RIMBP2: variants seen among roughly 807,000 people sequenced by gnomAD.
RIMBP2 encodes the protein RIMS-binding protein 2.
Under a neutral mutation model 118.6 loss-of-function variants are expected in RIMBP2, and 48 were observed. The observed-to-expected ratio is 0.40, with a 90% CI of 0.32 to 0.51. RIMBP2 has a LOEUF of 0.51. Among genes scored for constraint, RIMBP2 ranks in the 20% least tolerant of loss-of-function variants. The pLI is 0.41. For missense variants in RIMBP2, 1,551 were observed against 1,768.3 expected, an observed-to-expected ratio of 0.88 and a Z score of 2.20; for synonymous variants, 762 against 742.9, an observed-to-expected ratio of 1.03 and a Z score of -0.42.
rs2076622574 is a variant in RIMBP2 at position 130,424,327 on chromosome 12, C to T, written c.2944G>A (p.Gly982Ser). 5 of 1,231,908 alleles carry T rather than the reference C, an allele frequency of 4.1e-6. No individual in the cohort carries two copies. Among genetic ancestry groups the T allele is most frequent in the African/African-American group, 1.6e-5 (1 of 64,492 alleles). 76.3% of individuals were successfully genotyped at this position (1,231,908 alleles called of 1,614,324 possible). ...EDFGEQVGPG[G>S]LLRNDDPQPG... ...TGGGGGTCGTCGTTCCTGAGGAGGC[C>T]ACCAGGGCCCACCTGCTCCCCAAAG... Residue 982 changes from glycine (G) to serine (S), a missense_variant, in exon 16 of 23, where the codon GGC becomes AGC. Gly to Ser is a moderately conservative substitution (Grantham distance 56). Transcript: ENST00000690449. The surrounding 1 kb of genome is among the most constrained non-coding windows in gnomAD (Gnocchi z 9.8).
chr12:130,514,009 C>T (rs576750389), intron 3 of RIMBP2, among the ~76,000 whole-genome samples: 2 of 152,332 alleles, frequency 1.3e-5, no homozygotes, highest in African/African-American at 4.8e-5. Context: ...GTCACCCCCA[C>T]ACCTTCAGCC....
chr12:130,438,335 A>ACCGGGCC, intron 12 of RIMBP2, 30 bp downstream of exon 12: 2 of 865,010 alleles, frequency 2.3e-6, no homozygotes, highest in East Asian at 2.8e-5. Context: ...GGCCTAACAA[A>ACCGGGCC]CCCTCCCCAC....
chr12:130,615,991 T>C (rs933426719), intron 2 of RIMBP2, among the ~76,000 whole-genome samples: 1 of 152,088 alleles, frequency 6.6e-6, no homozygotes, highest in Non-Finnish European at 1.5e-5. Flanking sequence ...CGTTTGCTTT[T>C]TCACCTCTGG....
In RIMBP2 at chr12:130,436,867, G is replaced by A. The variant is rs773203525; in HGVS notation, c.2081C>T (p.Ala694Val). ...TVAKAMAREA[A>V]QRVAESSRLE... is the part of the protein sequence containing the mutation. ...CCTGCTGCTCTCGGCCACCCTCTGCGCGGCCTCCCGGGCCATGGCCTTGGC... is the reference window on the plus strand; with the variant it reads ...CCTGCTGCTCTCGGCCACCCTCTGCACGGCCTCCCGGGCCATGGCCTTGGC... Residue 694 changes from alanine to valine, a missense_variant, in exon 13 of 23, where the codon GCG (alanine) becomes GTG (valine). Around this residue, in one of 5 missense-constraint regions of RIMBP2, gnomAD observed 1,038 missense variants for 1,125.1 expected, o/e 0.92. Coordinates refer to ENST00000690449, the MANE Select transcript of RIMBP2 (RefSeq NM_001393629.1). 4.8e-5 allele frequency: 73 copies of A among 1,523,344 alleles called. No individual in the cohort carries two copies. The highest frequency in any genetic ancestry group is 6.0e-5 in the Non-Finnish European group (68 of 1,137,844). 94.4% of individuals were successfully genotyped at this position (1,523,344 alleles called of 1,614,324 possible). A position where few individuals can be genotyped will look rare whatever the true frequency, so the allele number is the denominator to read the frequency against.
Position 130,456,580 on chromosome 12 carries a change from C to T in RIMBP2, c.274G>A (p.Ala92Thr), listed in dbSNP as rs780097025. Residue 92 changes from alanine (A) to threonine (T), a missense_variant, in exon 7 of 23, where the codon GCG (alanine) becomes ACG (threonine). By Grantham distance (58) the Ala-to-Thr change is moderately conservative. Around this residue, in one of 5 missense-constraint regions of RIMBP2, gnomAD observed 239 missense variants for 256.8 expected, o/e 0.93. Transcript: ENST00000690449. ...AGKIDLLGGS[A>T]VAPLDISTAP... ...GTGGAGATGTCCAGGGGGGCCACCG[C>T]GCTGCCACCCAGCAGGTCAATCTTG... 1.5e-5 allele frequency: 24 copies of T among 1,613,314 alleles called. No homozygotes were observed. In the East Asian group the frequency reaches 2.0e-4, roughly 13 times the overall value.
At chr12:130,687,806 T>C (rs1361114224) in intron 1 of RIMBP2, among the ~76,000 whole-genome samples, 1 of 152,230 alleles carries the variant, frequency 6.6e-6, no homozygotes, top group Non-Finnish European at 1.5e-5. Context: ...TGGCTTATTT[T>C]TAATTCATTG....
At chr12:130,647,188 C>T (rs1237931141) in intron 1 of RIMBP2, among the ~76,000 whole-genome samples, 1 of 152,104 alleles carries the variant, frequency 6.6e-6, no homozygotes, top group African/African-American at 2.4e-5. Context: ...CATGGTGAAA[C>T]CCTGCCCCTA....
chr12:130,651,811 CT>C (rs1168813469), intron 1 of RIMBP2, among the ~76,000 whole-genome samples: 2 of 152,182 alleles, frequency 1.3e-5, no homozygotes, highest in African/African-American at 2.4e-5. Flanking sequence ...CAGCTCTACT[CT>C]TCGTTGAGAG....
intron 11 of RIMBP2, among the ~76,000 whole-genome samples, chr12:130,439,231 GATGTATATGTATGT>G (rs2077812617): frequency 2.0e-5 from 3 of 151,814 alleles, no homozygotes; most frequent in Admixed American, 2.0e-4. Flanking sequence ...TTTGTGTGTA[GATGTATATGTATGT>G]ATGTATATGT....
rs180862626 is a variant in RIMBP2 at position 130,578,819 on chromosome 12, T to G, written c.-217+49503A>C. On this transcript the variant is annotated intron_variant, in intron 2 of 22. Transcript: ENST00000690449. This position sits in a 1 kb window ranked among gnomAD's most constrained non-coding sequence, Gnocchi z 4.1. ...CCTAGGGCTGAACATGTGCAGAGAT[T>G]CAGAAAGGCTTGGATTTATAAGATG... is the stretch of plus-strand genomic sequence containing the variant. 2.0e-5 allele frequency among the ~76,000 whole-genome samples: 3 copies of G among 152,284 alleles called. No homozygotes were observed. The highest frequency in any genetic ancestry group is 2.9e-5 in the Non-Finnish European group (2 of 68,028).
rs1028538804 is a variant in RIMBP2 at position 130,450,662 on chromosome 12, C to T, written c.505-386G>A. 6.6e-6 allele frequency among the ~76,000 whole-genome samples: 1 copy of T among 151,836 alleles called. No individual in the cohort carries two copies. Among genetic ancestry groups the T allele is most frequent in the Non-Finnish European group, 1.5e-5 (1 of 67,974 alleles). ...CCCCCAGTGATCCCACTCTCACTCC[C>T]CCTAGTGCATTCCCCACACAAGCTG... On this transcript the variant is annotated intron_variant, in intron 8 of 22. Transcript: ENST00000690449. The surrounding 1 kb of genome is among the most constrained non-coding windows in gnomAD (Gnocchi z 4.8).
At chr12:130,529,956 C>T (rs1469972145) in intron 2 of RIMBP2, among the ~76,000 whole-genome samples, 1 of 152,172 alleles carries the variant, frequency 6.6e-6, no homozygotes. Flanking sequence ...GCTGTGCAGC[C>T]CAGTTCCTAA....
At chr12:130,522,822 GC>G (rs1176821032) in intron 2 of RIMBP2, among the ~76,000 whole-genome samples, 2 of 152,106 alleles carry the variant, frequency 1.3e-5, no homozygotes, top group Non-Finnish European at 2.9e-5. Flanking sequence ...TGAAGCCCTA[GC>G]CCCCAGGGTG....
chr12:130,589,700 A>C (rs774595820), intron 2 of RIMBP2, among the ~76,000 whole-genome samples: 9 of 152,358 alleles, frequency 5.9e-5, no homozygotes, highest in Non-Finnish European at 7.3e-5. Flanking sequence ...GAAACATCAC[A>C]GTGTACCCTT....
At chr12:130,486,506 C>A (rs546011659) in intron 4 of RIMBP2, among the ~76,000 whole-genome samples, 1 of 150,398 alleles carries the variant, frequency 6.6e-6, no homozygotes, top group African/African-American at 2.4e-5. Context: ...ACTCATTATC[C>A]CCACATGGAT....
At chr12:130,542,363 T>C (rs573894667) in intron 2 of RIMBP2, among the ~76,000 whole-genome samples, 3 of 152,122 alleles carry the variant, frequency 2.0e-5, no homozygotes, top group Non-Finnish European at 4.4e-5. Context: ...GGACATCAAA[T>C]CTAGTCTACA....
intron 19 of RIMBP2, among the ~76,000 whole-genome samples, chr12:130,409,400 T>G (rs2398512): frequency 0.29 from 40,232 of 140,474 alleles, 6,559 homozygotes; most frequent in East Asian, 0.54. Context: ...TGGAGTGCAG[T>G]GGCGCGATCC....
intron 1 of RIMBP2, among the ~76,000 whole-genome samples, chr12:130,628,694 C>G (rs1170489759): frequency 1.3e-5 from 2 of 152,138 alleles, no homozygotes; most frequent in African/African-American, 4.8e-5. Flanking sequence ...TGGAACAGTG[C>G]AACAATACAA....
At position 130,454,109 on chromosome 12, in the gene RIMBP2, G is replaced by C. The variant is rs116860681; in HGVS notation, c.358+2387C>G. 9.8e-5 allele frequency among the ~76,000 whole-genome samples: 15 copies of C among 152,286 alleles called. No individual in the cohort carries two copies. The East Asian group carries it at 2.9e-3, about 29-fold the overall frequency. ...GATTATAGACTTGAAGTTTACAAAG[G>C]AGGCAGATCTTAAGGGTTTTCACCA... On this transcript the variant is annotated intron_variant, in intron 7 of 22. Coordinates refer to ENST00000690449, the MANE Select transcript of RIMBP2 (RefSeq NM_001393629.1).
Sources: allele counts gnomAD v4.1 joint callset (sites outside exome capture counted in the v4.1 genomes callset), GRCh38; gene constraint gnomAD v4.1.1; regional missense constraint gnomAD v4.1.1; non-coding constraint Gnocchi (gnomAD v3.1); transcripts MANE v1.5; gene names NCBI Gene and HGNC (gene_info 2026-07-23, HGNC 2026-07-21).